The following MYRF variants were observed in gnomAD, a reference collection of about 807,000 sequenced individuals.
MYRF encodes the protein myelin gene regulatory factor.
A neutral mutation model predicts 126.3 loss-of-function variants in MYRF; 16 were observed. The ratio of observed to expected loss-of-function variants is 0.13; its 90% CI spans 0.09 to 0.19. The LOEUF (loss-of-function observed/expected upper bound fraction) is 0.19. MYRF is among the 10% of genes least tolerant of loss of function. The pLI, the probability that MYRF is intolerant of heterozygous loss-of-function variation, is 1.00. For missense variants in MYRF, 1,104 were observed against 1,547.0 expected, an observed-to-expected ratio of 0.71 and a Z score of 4.80; for synonymous variants, 608 against 635.3, an observed-to-expected ratio of 0.96 and a Z score of 0.65.
Position 61,785,785 on chromosome 11 carries a change from C to G in MYRF, c.3301-15C>G. 2 of 1,612,346 alleles carry G rather than the reference C, an allele frequency of 1.2e-6. No individual in the cohort carries two copies. Among genetic ancestry groups the G allele is most frequent in the Non-Finnish European group, 1.7e-6 (2 of 1,178,346 alleles). ...GGCAGCAGTCTGTCCTGACCCCTCT[C>G]TCCCTTCTCTCCAGGGCACCTCTCA... On this transcript the variant is annotated splice_polypyrimidine_tract_variant and intron_variant, in intron 25 of 26. Coordinates refer to ENST00000278836, the MANE Select transcript of MYRF (RefSeq NM_001127392.3).
chr11:61,771,101 G>T (rs971335087), intron 5 of MYRF, among the ~76,000 whole-genome samples: 1 of 152,196 alleles, frequency 6.6e-6, no homozygotes, highest in Non-Finnish European at 1.5e-5. Flanking sequence ...GGCCCTCTGT[G>T]GCTTGTTTCT....
intron 4 of MYRF, among the ~76,000 whole-genome samples, chr11:61,769,761 C>G (rs1361217886): frequency 6.6e-6 from 1 of 152,146 alleles, no homozygotes; most frequent in Admixed American, 6.5e-5. Flanking sequence ...TTTATCTTAC[C>G]AAAAACATCC....
intron 5 of MYRF, 96 bp downstream of exon 5, chr11:61,770,621 C>T: frequency 4.1e-6 from 5 of 1,226,418 alleles, no homozygotes; most frequent in Non-Finnish European, 5.6e-6. Flanking sequence ...GAGGTAGGGA[C>T]CGGGATGCAC....
At chr11:61,766,604 G>A (rs975043831) in intron 3 of MYRF, 18 of 256,884 alleles carry the variant, frequency 7.0e-5, no homozygotes, top group Admixed American at 4.0e-4. Flanking sequence ...TCCAGCTGAC[G>A]TGTACTGTGG....
In MYRF at chr11:61,776,582, A is replaced by T; in HGVS notation, c.1499+150A>T. 1.3e-6 allele frequency: 1 copy of T among 765,224 alleles called. No individual in the cohort carries two copies. The highest frequency in any genetic ancestry group is 2.1e-6 in the Non-Finnish European group (1 of 471,268). The allele number at this position is 765,224 out of a possible 1,614,324, so 47.4% of individuals were successfully genotyped here. A position where few individuals can be genotyped will look rare whatever the true frequency, so the allele number is the denominator to read the frequency against. On this transcript the variant is annotated intron_variant, in intron 10 of 26. Transcript: ENST00000278836. The surrounding 1 kb of genome is among the most constrained non-coding windows in gnomAD (Gnocchi z 4.3). ...TTTAGAGCCCTTCATTGACTTAAGG[A>T]TGGGAAGAGCAGAAGCCTGGCTTCT...
intron 4 of MYRF, among the ~76,000 whole-genome samples, chr11:61,769,701 C>T (rs571445679): frequency 5.9e-5 from 9 of 152,272 alleles, no homozygotes; most frequent in Non-Finnish European, 7.4e-5. Flanking sequence ...AAGAGCAGAA[C>T]CACCGCGGGA....
At chr11:61,759,182 C>T (rs1014117153) in intron 1 of MYRF, among the ~76,000 whole-genome samples, 11 of 152,224 alleles carry the variant, frequency 7.2e-5, no homozygotes, top group Non-Finnish European at 5.9e-5. Flanking sequence ...GGCCTGCCTG[C>T]CCTGGTCCCT....
chr11:61,779,597 G>T, intron 16 of MYRF, 27 bp downstream of exon 16: 1 of 1,471,294 alleles, frequency 6.8e-7, no homozygotes, highest in South Asian at 1.4e-5. Context: ...ATGGCAGGCG[G>T]GTTGGAAAGG....
chr11:61,776,323 G>C lies in MYRF; in HGVS notation c.1390G>C (p.Val464Leu). Residue 464 changes from valine (V) to leucine (L), a missense_variant and splice_region_variant, in exon 10 of 27, where the codon GTC becomes CTC. By Grantham distance (32) the Val-to-Leu change is conservative (BLOSUM62 1). This residue lies in a region of MYRF where 23 missense variants were observed against 26.6 expected (regional missense o/e 0.86). Transcript: ENST00000278836. This position sits in a 1 kb window ranked among gnomAD's most constrained non-coding sequence, Gnocchi z 4.3. ...GAGCACCCTGCCTCTCCTCTGCAGG[G>C]TCAATCTGCCCCCTGAGCAGGTCAC... The part of the protein sequence containing the change: ...RSKRPFNPVT[V>L]NLPPEQVTKV... The C allele has an allele frequency of 6.2e-7, 1 of 1,612,002 alleles. No homozygotes were observed. The highest frequency in any genetic ancestry group is 2.2e-5 in the East Asian group (1 of 44,780).
At position 61,783,376 on chromosome 11, in the gene MYRF, GA is replaced by G. The variant is rs954608084; in HGVS notation, c.3017-115del. 7.8e-6 allele frequency: 6 copies of G among 773,832 alleles called. No individual in the cohort carries two copies. The highest frequency in any genetic ancestry group is 1.5e-5 in the South Asian group (1 of 64,904). The allele number at this position is 773,832 out of a possible 1,614,324, so 47.9% of individuals were successfully genotyped here. A position where few individuals can be genotyped will look rare whatever the true frequency, so the allele number is the denominator to read the frequency against. On this transcript the variant is annotated intron_variant, in intron 22 of 26. Transcript: ENST00000278836. This position sits in a 1 kb window ranked among gnomAD's most constrained non-coding sequence, Gnocchi z 4.6. ...TGATGCTGGCCATTGTGGAGGTCTGGAAAAAAATAACCTGGAACTTATTCAT... is the reference window on the plus strand; with the variant it reads ...TGATGCTGGCCATTGTGGAGGTCTGGAAAAAATAACCTGGAACTTATTCAT...
Position 61,776,046 on chromosome 11 carries a change from C to T in MYRF, c.1312-10C>T, listed in dbSNP as rs1181072246. On this transcript the variant is annotated splice_polypyrimidine_tract_variant and intron_variant, in intron 8 of 26. Transcript: ENST00000278836. This position sits in a 1 kb window ranked among gnomAD's most constrained non-coding sequence, Gnocchi z 4.3. Reference sequence around the variant, plus strand: ...CCATCCTGAGGTGCCACTGGCTTCACTCCCCACAGCTGGAGGCCCTGAACC... The same window carrying T: ...CCATCCTGAGGTGCCACTGGCTTCATTCCCCACAGCTGGAGGCCCTGAACC... The T allele has an allele frequency of 1.9e-6, 3 of 1,613,816 alleles. No homozygotes were observed. Among genetic ancestry groups the T allele is most frequent in the Non-Finnish European group, 8.5e-7 (1 of 1,179,876 alleles).
At chr11:61,755,332 C>T in intron 1 of MYRF, 1 of 1,563,304 alleles carries the variant, frequency 6.4e-7, no homozygotes, top group Non-Finnish European at 8.7e-7. Flanking sequence ...ACAGCCGGGC[C>T]CCCGTGACCG....
chr11:61,755,307 C>G, intron 1 of MYRF: 1 of 1,480,326 alleles, frequency 6.8e-7, no homozygotes, highest in Non-Finnish European at 9.1e-7. Context: ...ACAGAGCGGC[C>G]CCCTCGAGGC....
intron 4 of MYRF, among the ~76,000 whole-genome samples, chr11:61,769,721 C>T (rs1237550716): frequency 6.6e-6 from 1 of 152,174 alleles, no homozygotes; most frequent in Non-Finnish European, 1.5e-5. Flanking sequence ...AGCAGGCTCC[C>T]CGCAGTCCGG....
At chr11:61,761,409 A>T (rs1363554926) in intron 1 of MYRF, among the ~76,000 whole-genome samples, 3 of 152,160 alleles carry the variant, frequency 2.0e-5, no homozygotes, top group Non-Finnish European at 4.4e-5. Flanking sequence ...TAAGGAGACG[A>T]GGAGAGAAGA....
In MYRF at chr11:61,777,586, G is replaced by C; in HGVS notation, c.1791+122G>C. The C allele has an allele frequency of 7.3e-7, 1 of 1,376,130 alleles. No individual in the cohort carries two copies. The highest frequency in any genetic ancestry group is 1.4e-5 in the South Asian group (1 of 73,784). 85.2% of individuals were successfully genotyped at this position (1,376,130 alleles called of 1,614,324 possible). On this transcript the variant is annotated intron_variant, in intron 12 of 26. Coordinates refer to ENST00000278836, the MANE Select transcript of MYRF (RefSeq NM_001127392.3). The surrounding 1 kb of genome is among the most constrained non-coding windows in gnomAD (Gnocchi z 8.8). ...GGAGCTGCGGGGGAAGGAAGGGAGGGAGGCTGGCCTCGAATCCCGATCTAA... is the reference window on the plus strand; with the variant it reads ...GGAGCTGCGGGGGAAGGAAGGGAGGCAGGCTGGCCTCGAATCCCGATCTAA...
chr11:61,758,758 C>T (rs980638571), intron 1 of MYRF, among the ~76,000 whole-genome samples: 8 of 152,258 alleles, frequency 5.3e-5, no homozygotes, highest in Admixed American at 4.6e-4. Context: ...TCATCTGACT[C>T]TGCTCCCTAG....
intron 25 of MYRF, chr11:61,784,598 C>T: frequency 1.8e-6 from 1 of 560,510 alleles, no homozygotes. Flanking sequence ...TCTCCCAGCC[C>T]TGCCGTGCTG....
intron 18 of MYRF, 61 bp from the exon 19 acceptor site, chr11:61,780,651 T>C: frequency 1.3e-6 from 2 of 1,494,108 alleles, no homozygotes; most frequent in South Asian, 1.2e-5. Context: ...CACCTCTGAC[T>C]GTGTCTTCTC....
Sources: gnomAD v4.1 joint callset for allele counts (sites outside exome capture counted in the v4.1 genomes callset) on GRCh38, gnomAD v4.1.1 for gene constraint, gnomAD v4.1.1 regional missense constraint, Gnocchi (gnomAD v3.1) non-coding constraint, MANE v1.5 for transcripts, NCBI Gene and HGNC (gene_info 2026-07-23, HGNC 2026-07-21) for gene names.